The following HIF1AN variants were observed in gnomAD, a reference collection of about 807,000 sequenced individuals.
The protein encoded by HIF1AN is hypoxia inducible factor 1 subunit alpha inhibitor, also known as hypoxia-inducible factor 1-alpha inhibitor.
Under a neutral mutation model 47.7 loss-of-function variants are expected in HIF1AN, and 21 were observed. The observed-to-expected ratio is 0.44, with a 90% confidence interval of 0.31 to 0.63. The LOEUF (loss-of-function observed/expected upper bound fraction) is 0.63. Ranked by LOEUF, HIF1AN falls within the 30% of genes least tolerant of loss-of-function variation. HIF1AN has a pLI of 0.07. For missense variants in HIF1AN, 320 were observed against 432.7 expected (o/e 0.74, Z 2.31); for synonymous variants, 152 against 155.9 (o/e 0.98, Z 0.18).
At position 100,545,926 on chromosome 10, in the gene HIF1AN, T is replaced by G; in HGVS notation, c.724-17T>G. On this transcript the variant is annotated splice_polypyrimidine_tract_variant and intron_variant, in intron 4 of 7. Coordinates refer to ENST00000299163, the MANE Select transcript of HIF1AN (RefSeq NM_017902.3). ...TTTGGTGATTGATATTTTTTTTCTT[T>G]CTCTTGAACCTCTTAGGTGGACTTT... 6.4e-7 allele frequency: 1 copy of G among 1,560,868 alleles called. No homozygotes were observed.
At position 100,556,860 on chromosome 10, in the gene HIF1AN, A is replaced by G. The variant is rs1342538031; in HGVS notation, c.*8723A>G. On this transcript the variant is annotated 3_prime_UTR_variant, in exon 8 of 8. Coordinates refer to ENST00000299163, the MANE Select transcript of HIF1AN (RefSeq NM_017902.3). ...TAATGTTTTTAAAACACCTGGCTCA[A>G]GCACTCAGGAAAATGTTTTATTATG... 1 of 152,198 alleles carries G rather than the reference A, an allele frequency of 6.6e-6. No homozygotes were observed. Among genetic ancestry groups the G allele is most frequent in the African/African-American group, 2.4e-5 (1 of 41,442 alleles). The allele number at this position is 152,198 out of a possible 1,614,324, so 9.4% of individuals were successfully genotyped here.
chr10:100,547,071 CTAAGAA>C, intron 6 of HIF1AN, 63 bp from the exon 7 acceptor site: 1 of 1,137,388 alleles, frequency 8.8e-7, no homozygotes, highest in East Asian at 2.5e-5. Flanking sequence ...GAGGATGGTA[CTAAGAA>C]CAGTAGAGTG....
rs1006209899 is a variant in HIF1AN, at chr10:100,547,056, G to C, written c.895-84G>C. ...TGCCCGGCAAGAATTGGGTTTCTTAGAAGGGAGGATGGTACTAAGAACAGT... is the reference window on the plus strand; with the variant it reads ...TGCCCGGCAAGAATTGGGTTTCTTACAAGGGAGGATGGTACTAAGAACAGT... On this transcript the variant is annotated intron_variant, in intron 6 of 7. Coordinates refer to ENST00000299163, the MANE Select transcript of HIF1AN (RefSeq NM_017902.3). 13 of 1,007,734 alleles carry C rather than the reference G, an allele frequency of 1.3e-5. No individual in the cohort carries two copies. The East Asian group carries it at 1.3e-4, about 10-fold the overall frequency. 62.4% of individuals were successfully genotyped at this position (1,007,734 alleles called of 1,614,324 possible).
At chr10:100,547,990 GTC>G in intron 7 of HIF1AN, 101 bp from the exon 8 acceptor site, 2 of 1,020,200 alleles carry the variant, frequency 2.0e-6, no homozygotes, top group South Asian at 2.7e-5. Flanking sequence ...TGAAAACATT[GTC>G]TCTGTCCTTG....
Position 100,547,622 on chromosome 10 carries a change from T to C in HIF1AN, c.1005+372T>C, listed in dbSNP as rs7087960. ...CCCATGCAGGTGTGCCAGTGGCCCA[T>C]TGGGTAAATGGGGGAGGTTTGTATT... On this transcript the variant is annotated intron_variant, in intron 7 of 7. Transcript: ENST00000299163. 3.3e-3 allele frequency among the ~76,000 whole-genome samples: 507 copies of C among 152,216 alleles called. 2 individuals are homozygous for C. Among genetic ancestry groups the C allele is most frequent in the African/African-American group, 0.011 (469 of 41,536 alleles).
rs1438926624 is a variant in HIF1AN at position 100,550,362 on chromosome 10, C to CTCA, written c.*2226_*2228dup. 5.9e-5 allele frequency: 9 copies of CTCA among 152,188 alleles called. No individual in the cohort carries two copies. Among genetic ancestry groups the CTCA allele is most frequent in the African/African-American group, 2.4e-5 (1 of 41,426 alleles). The allele number at this position is 152,188 out of a possible 1,614,324, so 9.4% of individuals were successfully genotyped here. On this transcript the variant is annotated 3_prime_UTR_variant, in exon 8 of 8. Transcript: ENST00000299163. Reference sequence around the variant, plus strand: ...GTGCCTAGTGCTTTTCTCTTTGTTCCTCACTATCCTGCAAGGTAGGTATTC... The same window carrying CTCA: ...GTGCCTAGTGCTTTTCTCTTTGTTCCTCATCACTATCCTGCAAGGTAGGTATTC...
chr10:100,544,207 C>T (rs1407994618), intron 3 of HIF1AN, among the ~76,000 whole-genome samples: 2 of 152,234 alleles, frequency 1.3e-5, no homozygotes, highest in South Asian at 4.1e-4. Flanking sequence ...AATTACACAG[C>T]ACTCTCTTCA....
At position 100,548,357 on chromosome 10, in the gene HIF1AN, C is replaced by A; in HGVS notation, c.*220C>A. 1 of 488,792 alleles carries A rather than the reference C, an allele frequency of 2.0e-6. No homozygotes were observed. 30.3% of individuals were successfully genotyped at this position (488,792 alleles called of 1,614,324 possible). A position where few individuals can be genotyped will look rare whatever the true frequency, so the allele number is the denominator to read the frequency against. ...TACCCTTGCCTCTTGTGCCCCAGCA[C>A]CTTCTCTCTCTGCCCCCCGCCTAAA... On this transcript the variant is annotated 3_prime_UTR_variant, in exon 8 of 8. Coordinates refer to ENST00000299163, the MANE Select transcript of HIF1AN (RefSeq NM_017902.3).
chr10:100,545,278 C>G, intron 4 of HIF1AN, 182 bp downstream of exon 4: 1 of 575,970 alleles, frequency 1.7e-6, no homozygotes, highest in Non-Finnish European at 3.0e-6. Context: ...GGAGTGGCCA[C>G]CAGATGTTTG....
intron 4 of HIF1AN, 29 bp from the exon 5 acceptor site, chr10:100,545,914 A>AT: frequency 1.6e-5 from 23 of 1,470,712 alleles, no homozygotes; most frequent in South Asian, 3.4e-5. Context: ...GGTGATTGAT[A>AT]TTTTTTTTCT....
rs1184169297 is a variant in HIF1AN at position 100,550,680 on chromosome 10, A to G, written c.*2543A>G. 1 of 152,242 alleles carries G rather than the reference A, an allele frequency of 6.6e-6. No individual in the cohort carries two copies. The highest frequency in any genetic ancestry group is 2.4e-5 in the African/African-American group (1 of 41,442). The allele number at this position is 152,242 out of a possible 1,614,324, so 9.4% of individuals were successfully genotyped here. A position where few individuals can be genotyped will look rare whatever the true frequency, so the allele number is the denominator to read the frequency against. ...TTGGAAAAACTGCCTGGGAAGCCAT[A>G]TTATGAATTAGTGCTAGAAGAAGCT... On this transcript the variant is annotated 3_prime_UTR_variant, in exon 8 of 8. Transcript: ENST00000299163.
chr10:100,542,846 GTTTTTTTTTTTT>G (rs397730143), intron 3 of HIF1AN, among the ~76,000 whole-genome samples: 3 of 111,764 alleles, frequency 2.7e-5, no homozygotes, highest in African/African-American at 3.4e-5. Context: ...ATGTGAATGT[GTTTTTTTTTTTT>G]TTTTTTTTTT....
At position 100,555,431 on chromosome 10, in the gene HIF1AN, T is replaced by A. The variant is rs1027341456; in HGVS notation, c.*7294T>A. On this transcript the variant is annotated 3_prime_UTR_variant, in exon 8 of 8. Coordinates refer to ENST00000299163, the MANE Select transcript of HIF1AN (RefSeq NM_017902.3). ...AAGCTACTCAGACTTCAGCCTGAGA[T>A]GTATTATGGCTGGCTGGAATTCTCA... The A allele has an allele frequency of 6.6e-6, 1 of 152,278 alleles. No homozygotes were observed. Among genetic ancestry groups the A allele is most frequent in the Non-Finnish European group, 1.5e-5 (1 of 68,058 alleles). The allele number at this position is 152,278 out of a possible 1,614,324, so 9.4% of individuals were successfully genotyped here.
intron 4 of HIF1AN, 109 bp from the exon 5 acceptor site, chr10:100,545,834 G>GT (rs774849849): frequency 0.018 from 10,950 of 596,942 alleles, 3 homozygotes; most frequent in South Asian, 0.024. Flanking sequence ...TTAAGGCATC[G>GT]TTTTTTTTTT....
rs1843229846 is a variant in HIF1AN at position 100,558,206 on chromosome 10, A to G, written c.*10069A>G. On this transcript the variant is annotated 3_prime_UTR_variant, in exon 8 of 8. Transcript: ENST00000299163. The stretch of plus-strand genomic sequence containing the variant: ...GGAGCGGAGGACAAGACCCTGAACT[A>G]AGGGTGAGGAGGCCAGCATTCTGTC... The G allele has an allele frequency of 6.6e-6, 1 of 152,196 alleles. No individual in the cohort carries two copies. The highest frequency in any genetic ancestry group is 1.5e-5 in the Non-Finnish European group (1 of 68,070). The allele number at this position is 152,196 out of a possible 1,614,324, so 9.4% of individuals were successfully genotyped here. A position where few individuals can be genotyped will look rare whatever the true frequency, so the allele number is the denominator to read the frequency against.
chr10:100,537,855 A>G (rs754768251), intron 2 of HIF1AN, among the ~76,000 whole-genome samples: 1 of 152,228 alleles, frequency 6.6e-6, no homozygotes, highest in Non-Finnish European at 1.5e-5. Flanking sequence ...AGCAGTTGTC[A>G]TAATGATGGG....
Position 100,559,353 on chromosome 10 carries a change from G to T in HIF1AN, c.*11216G>T, listed in dbSNP as rs528875041. 2.6e-4 allele frequency: 39 copies of T among 152,308 alleles called. No homozygotes were observed. Among genetic ancestry groups the T allele is most frequent in the Middle Eastern group, 3.4e-3 (1 of 294 alleles). 9.4% of individuals were successfully genotyped at this position (152,308 alleles called of 1,614,324 possible). A position where few individuals can be genotyped will look rare whatever the true frequency, so the allele number is the denominator to read the frequency against. ...TTTTGTTTTATAAGCAAAATAATAA[G>T]ATTTGTTAGCAGAACTTAAAAGCTT... On this transcript the variant is annotated 3_prime_UTR_variant, in exon 8 of 8. Coordinates refer to ENST00000299163, the MANE Select transcript of HIF1AN (RefSeq NM_017902.3).
chr10:100,558,191 A>T lies in HIF1AN; in HGVS notation c.*10054A>T, dbSNP rs538223849. The T allele has an allele frequency of 6.6e-6, 1 of 152,332 alleles. No homozygotes were observed. Among genetic ancestry groups the T allele is most frequent in the Admixed American group, 6.5e-5 (1 of 15,286 alleles). 9.4% of individuals were successfully genotyped at this position (152,332 alleles called of 1,614,324 possible). Reference sequence around the variant, plus strand: ...GATGATAGGCAATGAGGAGCGGAGGACAAGACCCTGAACTAAGGGTGAGGA... The same window carrying T: ...GATGATAGGCAATGAGGAGCGGAGGTCAAGACCCTGAACTAAGGGTGAGGA... On this transcript the variant is annotated 3_prime_UTR_variant, in exon 8 of 8. Coordinates refer to ENST00000299163, the MANE Select transcript of HIF1AN (RefSeq NM_017902.3).
intron 2 of HIF1AN, among the ~76,000 whole-genome samples, chr10:100,538,905 CTTTT>C (rs371921651): frequency 4.4e-5 from 5 of 112,752 alleles, no homozygotes; most frequent in East Asian, 2.6e-4. Flanking sequence ...TTGAACCTTT[CTTTT>C]TTTTTTTTTT....
Sources: gnomAD v4.1 joint callset for allele counts (sites outside exome capture counted in the v4.1 genomes callset) on GRCh38, gnomAD v4.1.1 for gene constraint, MANE v1.5 for transcripts, NCBI Gene and HGNC (gene_info 2026-07-23, HGNC 2026-07-21) for gene names.